Variants in RPTOR observed in about 807,000 individuals in gnomAD.
The protein encoded by RPTOR is regulatory associated protein of MTOR complex 1.
A neutral mutation model predicts 169.9 loss-of-function variants in RPTOR; 21 were observed. The ratio of observed to expected loss-of-function variants is 0.12; its 90% CI spans 0.09 to 0.18. RPTOR has a LOEUF of 0.18. RPTOR is among the 10% of genes least tolerant of loss of function. The probability of loss-of-function intolerance (pLI) is 1.00; values close to 1 mark genes in which losing one functional copy is unlikely to be tolerated. For missense variants in RPTOR, 1,133 were observed against 1,855.9 expected (o/e 0.61, Z 7.16); for synonymous variants, 732 against 753.2 (o/e 0.97, Z 0.46).
At chr17:80,566,179 G>T (rs2084587866) in intron 1 of RPTOR, among the ~76,000 whole-genome samples, 1 of 152,202 alleles carries the variant, frequency 6.6e-6, no homozygotes, top group Admixed American at 6.5e-5. Context: ...CTCCTGCATA[G>T]CGCAGCTGTA....
intron 3 of RPTOR, among the ~76,000 whole-genome samples, chr17:80,667,961 C>T (rs535632504): frequency 2.4e-4 from 36 of 152,214 alleles, no homozygotes; most frequent in Admixed American, 1.7e-3. Context: ...ACAAAAATGC[C>T]GTGGGCAGAA....
At chr17:80,744,268 C>G (rs1442188629) in intron 5 of RPTOR, among the ~76,000 whole-genome samples, 8 of 103,130 alleles carry the variant, frequency 7.8e-5, no homozygotes, top group Non-Finnish European at 1.4e-4. Context: ...GCTACTAGCA[C>G]AGCCCTGGTT....
intron 27 of RPTOR, 110 bp from the exon 28 acceptor site, chr17:80,949,333 C>G: frequency 1.1e-6 from 1 of 935,940 alleles, no homozygotes; most frequent in Non-Finnish European, 1.7e-6. Flanking sequence ...GGCTGGCCGC[C>G]CAGGGTCACT....
intron 6 of RPTOR, among the ~76,000 whole-genome samples, chr17:80,780,208 C>A (rs1443367878): frequency 6.6e-6 from 1 of 152,144 alleles, no homozygotes; most frequent in East Asian, 1.9e-4. Context: ...ATGTCGCAAT[C>A]ACAAGAAGCT....
intron 4 of RPTOR, among the ~76,000 whole-genome samples, chr17:80,713,723 A>G (rs1223324939): frequency 2.6e-5 from 4 of 152,164 alleles, no homozygotes; most frequent in Admixed American, 6.5e-5. Context: ...AAAGAGGGCC[A>G]TTTCCTCATG....
chr17:80,558,008 CTG>C (rs1366333176), intron 1 of RPTOR, among the ~76,000 whole-genome samples: 1 of 151,138 alleles, frequency 6.6e-6, no homozygotes, highest in Non-Finnish European at 1.5e-5. Flanking sequence ...AATGCTTTAA[CTG>C]TGTTCTAGGC....
In RPTOR at chr17:80,764,793, TC is replaced by T. The variant is rs575936885; in HGVS notation, c.830+10610del. Among the ~76,000 whole-genome samples the T allele has an allele frequency of 5.8e-3, 877 of 152,300 alleles. 5 individuals are homozygous for T. The highest frequency in any genetic ancestry group is 9.1e-3 in the Non-Finnish European group (619 of 68,026). On this transcript the variant is annotated intron_variant, in intron 6 of 33. Transcript: ENST00000306801. ...AGTCCCACCAACAGTGTAAAAGTGT[TC>T]CTGTTTCTCCACATCCTCTCCAGCA... is the stretch of plus-strand genomic sequence containing the variant.
rs111346029 is a variant in RPTOR, at chr17:80,957,482, G to A, written c.3371-142G>A. The A allele has an allele frequency of 8.6e-4, 629 of 728,204 alleles. 2 individuals carry two copies. Among genetic ancestry groups the A allele is most frequent in the African/African-American group, 8.4e-3 (486 of 57,656 alleles). 45.1% of individuals were successfully genotyped at this position (728,204 alleles called of 1,614,324 possible). Reference sequence around the variant, plus strand: ...GGGTCCCTAGCGGGAGCTCATATGAGGCATATGGACCCACCAGATGGGCTC... The same window carrying A: ...GGGTCCCTAGCGGGAGCTCATATGAAGCATATGGACCCACCAGATGGGCTC... On this transcript the variant is annotated intron_variant, in intron 28 of 33. Transcript: ENST00000306801. This position sits in a 1 kb window ranked among gnomAD's most constrained non-coding sequence, Gnocchi z 4.6.
Position 80,947,164 on chromosome 17 carries a change from C to G in RPTOR, c.3141-63C>G. The G allele has an allele frequency of 1.4e-6, 2 of 1,465,674 alleles. No homozygotes were observed. Among genetic ancestry groups the G allele is most frequent in the South Asian group, 2.9e-5 (2 of 69,716 alleles). The allele number at this position is 1,465,674 out of a possible 1,614,324, so 90.8% of individuals were successfully genotyped here. The stretch of plus-strand genomic sequence containing the variant: ...CAGCCCGGTGGGTTTCAGGAGGTAT[C>G]TCACTGTCATTTGGGTTTGCAGTTT... On this transcript the variant is annotated intron_variant, in intron 26 of 33. Transcript: ENST00000306801. This position sits in a 1 kb window ranked among gnomAD's most constrained non-coding sequence, Gnocchi z 4.4.
intron 21 of RPTOR, among the ~76,000 whole-genome samples, chr17:80,917,190 G>A (rs2068683627): frequency 1.3e-5 from 2 of 149,736 alleles, no homozygotes; most frequent in Admixed American, 6.7e-5. Flanking sequence ...TCAGCTCACT[G>A]CAACCTCCAT....
intron 3 of RPTOR, among the ~76,000 whole-genome samples, chr17:80,696,688 T>C (rs1054871236): frequency 2.6e-5 from 4 of 152,224 alleles, no homozygotes; most frequent in African/African-American, 9.6e-5. Context: ...TTTGCTGGAC[T>C]TGCAGCAGGG....
chr17:80,953,877 G>A (rs567136339), intron 28 of RPTOR, among the ~76,000 whole-genome samples: 168 of 152,376 alleles, frequency 1.1e-3, no homozygotes, highest in Non-Finnish European at 1.9e-3. Context: ...CAGCGGAGGA[G>A]CAGGGCTGCA....
chr17:80,728,670 G>A lies in RPTOR; in HGVS notation c.508-1890G>A, dbSNP rs1422127141. 2.6e-5 allele frequency among the ~76,000 whole-genome samples: 4 copies of A among 151,496 alleles called. No individual in the cohort carries two copies. In the East Asian group the frequency reaches 7.7e-4, roughly 29 times the overall value. ...ATCCTGTAATTACCATAGATTTATA[G>A]TATCTTTAATATCTGGCAGTGTGAG... On this transcript the variant is annotated intron_variant, in intron 4 of 33. Transcript: ENST00000306801.
intron 1 of RPTOR, among the ~76,000 whole-genome samples, chr17:80,584,792 G>T (rs2065045155): frequency 6.6e-6 from 1 of 152,184 alleles, no homozygotes; most frequent in African/African-American, 2.4e-5. Flanking sequence ...GAGAAAATGG[G>T]AATTATGCTT....
chr17:80,961,547 A>G (rs558209059), intron 31 of RPTOR, 67 bp downstream of exon 31: 1 of 1,485,386 alleles, frequency 6.7e-7, no homozygotes, highest in East Asian at 2.5e-5. Context: ...CATTTAAAAT[A>G]CGTCCTTGGT....
chr17:80,729,739 T>C (rs2066373367), intron 4 of RPTOR, among the ~76,000 whole-genome samples: 1 of 152,162 alleles, frequency 6.6e-6, no homozygotes, highest in Non-Finnish European at 1.5e-5. Context: ...TCCCCTCCCT[T>C]GTAAATGATG....
Position 80,947,425 on chromosome 17 carries a change from G to T in RPTOR, c.3265+74G>T, listed in dbSNP as rs2069117147. 2.1e-6 allele frequency: 3 copies of T among 1,452,658 alleles called. No homozygotes were observed. Among genetic ancestry groups the T allele is most frequent in the Admixed American group, 2.7e-5 (1 of 37,220 alleles). 90.0% of individuals were successfully genotyped at this position (1,452,658 alleles called of 1,614,324 possible). A position where few individuals can be genotyped will look rare whatever the true frequency, so the allele number is the denominator to read the frequency against. ...TGGCGGGGAGGGTGTGTGATCCTGA[G>T]ATGTGTTTGTACATCTGTCTTACAG... On this transcript the variant is annotated intron_variant, in intron 27 of 33. Transcript: ENST00000306801. The surrounding 1 kb of genome is among the most constrained non-coding windows in gnomAD (Gnocchi z 4.4).
At position 80,954,860 on chromosome 17, in the gene RPTOR, T is replaced by C. The variant is rs1409662845; in HGVS notation, c.3371-2764T>C. Reference sequence around the variant, plus strand: ...TGAACCTGGGAGGCGGAGGTTGCAGTGAGCCAAGATCACACCACTGCACTC... The same window carrying C: ...TGAACCTGGGAGGCGGAGGTTGCAGCGAGCCAAGATCACACCACTGCACTC... On this transcript the variant is annotated intron_variant, in intron 28 of 33. Coordinates refer to ENST00000306801, the MANE Select transcript of RPTOR (RefSeq NM_020761.3). 3.3e-5 allele frequency among the ~76,000 whole-genome samples: 5 copies of C among 152,056 alleles called. No homozygotes were observed. In the East Asian group the frequency reaches 7.7e-4, roughly 24 times the overall value.
chr17:80,730,771 T>TGGGGGGGGGG lies in RPTOR; in HGVS notation c.654+68_654+69insGGGGGGGGGG. 1 of 479,858 alleles carries TGGGGGGGGGG rather than the reference T, an allele frequency of 2.1e-6. No homozygotes were observed. Among genetic ancestry groups the TGGGGGGGGGG allele is most frequent in the East Asian group, 6.0e-5 (1 of 16,764 alleles). 29.7% of individuals were successfully genotyped at this position (479,858 alleles called of 1,614,324 possible). A position where few individuals can be genotyped will look rare whatever the true frequency, so the allele number is the denominator to read the frequency against. On this transcript the variant is annotated intron_variant, in intron 5 of 33. Coordinates refer to ENST00000306801, the MANE Select transcript of RPTOR (RefSeq NM_020761.3). The surrounding 1 kb of genome is among the most constrained non-coding windows in gnomAD (Gnocchi z 4.2). The stretch of plus-strand genomic sequence containing the variant: ...TTTTGTTTTCCCTGGGGGTGGGGTT[T>TGGGGGGGGGG]GGGTGGGGAGGTTGGGAGGTGTTGG...
Sources: allele counts gnomAD v4.1 joint callset (sites outside exome capture counted in the v4.1 genomes callset), GRCh38; gene constraint gnomAD v4.1.1; non-coding constraint Gnocchi (gnomAD v3.1); transcripts MANE v1.5; gene names NCBI Gene and HGNC (gene_info 2026-07-23, HGNC 2026-07-21).